PTPRK: variants seen among roughly 807,000 people sequenced by gnomAD.
PTPRK encodes the protein protein tyrosine phosphatase receptor type K.
In PTPRK, 75 loss-of-function variants were observed where a neutral mutation model predicts 178.0. The observed-to-expected ratio is 0.42, with a 90% CI of 0.35 to 0.51. The LOEUF (loss-of-function observed/expected upper bound fraction) is 0.51. Among genes scored for constraint, PTPRK ranks in the 20% least tolerant of loss-of-function variants. PTPRK has a pLI of 0.02. For synonymous variants in PTPRK, 637 were observed against 620.6 expected, an observed-to-expected ratio of 1.03 and a Z score of -0.39; for missense variants, 1,441 against 1,797.8, an observed-to-expected ratio of 0.80 and a Z score of 3.59.
At chr6:128,443,430 G>A (rs1846541753) in intron 1 of PTPRK, among the ~76,000 whole-genome samples, 1 of 152,022 alleles carries the variant, frequency 6.6e-6, no homozygotes, top group Admixed American at 6.6e-5. Context: ...GGGGAAAGAG[G>A]AGGAGGAACA....
intron 2 of PTPRK, among the ~76,000 whole-genome samples, chr6:128,356,903 C>T (rs1212666803): frequency 6.6e-6 from 1 of 152,220 alleles, no homozygotes; most frequent in African/African-American, 2.4e-5. Context: ...CTTTTTCTAA[C>T]ATAGCATATA....
intron 13 of PTPRK, among the ~76,000 whole-genome samples, chr6:128,026,263 C>T (rs1774277233): frequency 6.6e-6 from 1 of 152,188 alleles, no homozygotes; most frequent in African/African-American, 2.4e-5. Flanking sequence ...TTACAATTCT[C>T]TACTCACTCA....
intron 2 of PTPRK, among the ~76,000 whole-genome samples, chr6:128,342,779 A>AT (rs887612724): frequency 1.4e-4 from 21 of 151,902 alleles, no homozygotes; most frequent in Admixed American, 1.2e-3. Flanking sequence ...ATATCTACAA[A>AT]TTTTTTTTTC....
chr6:128,009,178 A>C lies in PTPRK; in HGVS notation c.2285T>G (p.Leu762Trp). The stretch of plus-strand genomic sequence containing the variant: ...AACTAGGAGAAGGAGGATGAACACC[A>C]AAATTCCAGCACTAATTCCTGCTAT... ...VKIAGISAGILVFILLLLVVI... is the reference protein window; with the variant it reads ...VKIAGISAGIWVFILLLLVVI... The change falls in exon 14 of 30, where the codon TTG becomes TGG. Residue 762 changes from leucine to tryptophan, a missense_variant. Coordinates refer to ENST00000368226, the MANE Select transcript of PTPRK (RefSeq NM_002844.4). The C allele has an allele frequency of 6.2e-7, 1 of 1,609,198 alleles. No homozygotes were observed. Among genetic ancestry groups the C allele is most frequent in the Non-Finnish European group, 8.5e-7 (1 of 1,176,840 alleles).
At chr6:128,209,235 T>C (rs1168602326) in intron 6 of PTPRK, among the ~76,000 whole-genome samples, 1 of 152,166 alleles carries the variant, frequency 6.6e-6, no homozygotes, top group East Asian at 1.9e-4. Flanking sequence ...TCAAAACTCC[T>C]AAAGGTTCCC....
intron 1 of PTPRK, among the ~76,000 whole-genome samples, chr6:128,414,008 T>C (rs1842580185): frequency 1.3e-5 from 2 of 152,170 alleles, no homozygotes; most frequent in African/African-American, 4.8e-5. Context: ...TGATAGCTCA[T>C]GGGTCACAAC....
chr6:128,425,949 T>A (rs1361282623), intron 1 of PTPRK, among the ~76,000 whole-genome samples: 1 of 152,220 alleles, frequency 6.6e-6, no homozygotes, highest in Non-Finnish European at 1.5e-5. Context: ...ATAAATAACA[T>A]TAAATACTTT....
chr6:128,294,157 C>T (rs73596691), intron 3 of PTPRK, among the ~76,000 whole-genome samples: 3,221 of 152,034 alleles, frequency 0.021, 107 homozygotes, highest in African/African-American at 0.073. Flanking sequence ...CTGTAATTAA[C>T]GGTTTATTTT....
At chr6:128,373,381 C>A (rs140035800) in intron 2 of PTPRK, among the ~76,000 whole-genome samples, 18 of 152,308 alleles carry the variant, frequency 1.2e-4, no homozygotes, top group African/African-American at 4.1e-4. Context: ...CACATCCTCA[C>A]ACACAATGCC....
At chr6:128,419,339 G>A (rs949975014) in intron 1 of PTPRK, among the ~76,000 whole-genome samples, 2 of 152,172 alleles carry the variant, frequency 1.3e-5, no homozygotes, top group Non-Finnish European at 2.9e-5. Context: ...GCGGCCGGGC[G>A]CGGTGGCTCA....
intron 2 of PTPRK, among the ~76,000 whole-genome samples, chr6:128,340,282 A>C (rs2128330699): frequency 6.6e-6 from 1 of 152,320 alleles, no homozygotes; most frequent in Middle Eastern, 3.4e-3. Context: ...GAATATAACC[A>C]TATGGCCCAC....
In PTPRK at chr6:128,184,682, C is replaced by T. The variant is rs371367033; in HGVS notation, c.912G>A (p.Gly304=). The T allele has an allele frequency of 6.2e-7, 1 of 1,613,856 alleles. No homozygotes were observed. The highest frequency in any genetic ancestry group is 1.7e-5 in the Admixed American group (1 of 59,972). ...TTAGTTGGATCAGCAAATATGTAGG[C>T]CCAACACCAAGAAGCTGAGGAGGAG... is the stretch of plus-strand genomic sequence containing the variant. ...PIAPPQLLGV[G]PTYLLIQLNA... is the part of the protein sequence containing the mutation. Residue 304 remains glycine (G), a synonymous_variant, in exon 7 of 30, where the codon GGG becomes GGA. Coordinates refer to ENST00000368226, the MANE Select transcript of PTPRK (RefSeq NM_002844.4).
intron 3 of PTPRK, among the ~76,000 whole-genome samples, chr6:128,274,750 A>G (rs1463666979): frequency 6.6e-6 from 1 of 152,100 alleles, no homozygotes; most frequent in Admixed American, 6.6e-5. Context: ...ACCAGATTAC[A>G]GGAGAGTACA....
At chr6:128,520,198 G>C (rs912054988) in intron 1 of PTPRK, 61 bp downstream of exon 1, 2 of 1,429,100 alleles carry the variant, frequency 1.4e-6, no homozygotes, top group South Asian at 1.3e-5. Context: ...CGGGGACCTG[G>C]CTCACCCCTC....
At chr6:128,045,505 G>C (rs1054808567) in intron 13 of PTPRK, among the ~76,000 whole-genome samples, 2 of 151,968 alleles carry the variant, frequency 1.3e-5, no homozygotes, top group African/African-American at 4.8e-5. Context: ...GTGGGGACAG[G>C]AGCAAAAGCA....
At chr6:128,177,877 T>C (rs1013182664) in intron 7 of PTPRK, among the ~76,000 whole-genome samples, 2 of 151,804 alleles carry the variant, frequency 1.3e-5, no homozygotes, top group Non-Finnish European at 2.9e-5. Context: ...TATATTCCCA[T>C]GAACCCCAGA....
intron 7 of PTPRK, among the ~76,000 whole-genome samples, chr6:128,149,780 C>T (rs1310099670): frequency 1.3e-5 from 2 of 152,152 alleles, no homozygotes; most frequent in African/African-American, 4.8e-5. Context: ...TTGCTCTCAT[C>T]ACTCCTCTCT....
At chr6:128,337,187 G>A (rs1467604626) in intron 2 of PTPRK, among the ~76,000 whole-genome samples, 1 of 151,866 alleles carries the variant, frequency 6.6e-6, no homozygotes, top group East Asian at 1.9e-4. Context: ...AATTTACATT[G>A]CCCACTTTGT....
chr6:128,295,548 T>C (rs549072944), intron 3 of PTPRK, among the ~76,000 whole-genome samples: 5 of 152,144 alleles, frequency 3.3e-5, no homozygotes, highest in South Asian at 2.1e-4. Flanking sequence ...GTCATTTAAG[T>C]GGGGGAAACT....
Sources: allele counts gnomAD v4.1 joint callset (sites outside exome capture counted in the v4.1 genomes callset), GRCh38; gene constraint gnomAD v4.1.1; transcripts MANE v1.5; gene names NCBI Gene and HGNC (gene_info 2026-07-23, HGNC 2026-07-21).